The following NUP62 variants were observed in gnomAD, a reference collection of about 807,000 sequenced individuals.
The protein encoded by NUP62 is nucleoporin 62.
For missense variants in NUP62, 647 were observed against 689.4 expected (o/e 0.94, Z 0.69); for synonymous variants, 305 against 303.4 (o/e 1.01, Z -0.05).
chr19:49,925,123 T>C (rs2075855487), intron 2 of NUP62, among the ~76,000 whole-genome samples: 1 of 151,810 alleles, frequency 6.6e-6, no homozygotes, highest in African/African-American at 2.4e-5. Flanking sequence ...TAGCCATGTG[T>C]GGTGACACAT....
chr19:49,913,957 G>C (rs2075551820), intron 2 of NUP62, among the ~76,000 whole-genome samples: 1 of 152,182 alleles, frequency 6.6e-6, no homozygotes, highest in Non-Finnish European at 1.5e-5. Context: ...AGAAGGTCCA[G>C]GCCAAGAGCC....
At chr19:49,926,615 G>A (rs1202089964) in intron 2 of NUP62, among the ~76,000 whole-genome samples, 5 of 152,176 alleles carry the variant, frequency 3.3e-5, no homozygotes, top group Non-Finnish European at 7.4e-5. Flanking sequence ...CCGGCGGGGC[G>A]GGGGAGATAG....
intron 2 of NUP62, among the ~76,000 whole-genome samples, chr19:49,924,087 G>A (rs1049949811): frequency 6.6e-6 from 1 of 152,222 alleles, no homozygotes; most frequent in African/African-American, 2.4e-5. Context: ...TGGCAACTGT[G>A]AGCAGCAGCA....
chr19:49,907,956 T>G lies in NUP62; in HGVS notation c.*283A>C. 5.4e-6 allele frequency: 3 copies of G among 560,150 alleles called. No individual in the cohort carries two copies. The highest frequency in any genetic ancestry group is 3.4e-5 in the East Asian group (1 of 29,068). 34.7% of individuals were successfully genotyped at this position (560,150 alleles called of 1,614,324 possible). A position where few individuals can be genotyped will look rare whatever the true frequency, so the allele number is the denominator to read the frequency against. The stretch of plus-strand genomic sequence containing the variant: ...CATCAGCACTTCTCCATCACCAGGC[T>G]GAGCCAGGATGAGGTGGGTGGTCGC... On this transcript the variant is annotated 3_prime_UTR_variant, in exon 3 of 3. Transcript: ENST00000352066.
In NUP62 at chr19:49,920,619, C is replaced by A. The variant is rs937565821; in HGVS notation, c.-78+7075G>T. On this transcript the variant is annotated intron_variant, in intron 2 of 2. Coordinates refer to ENST00000352066, the MANE Select transcript of NUP62 (RefSeq NM_016553.5). ...AGGCGGATAGGCGTCAGGCTCAGAG[C>A]TGACTTTACCCCGAGGGCAACGGCT... Among the ~76,000 whole-genome samples the A allele has an allele frequency of 6.6e-5, 10 of 152,220 alleles. No individual in the cohort carries two copies. In the South Asian group the frequency reaches 2.1e-3, roughly 32 times the overall value.
At chr19:49,920,160 G>A (rs1000113894) in intron 2 of NUP62, among the ~76,000 whole-genome samples, 5 of 151,884 alleles carry the variant, frequency 3.3e-5, no homozygotes, top group African/African-American at 1.2e-4. Context: ...TCAGCTCATC[G>A]CAACCTCTGC....
At position 49,907,827 on chromosome 19, in the gene NUP62, C is replaced by T. The variant is rs911974511; in HGVS notation, c.*412G>A. On this transcript the variant is annotated 3_prime_UTR_variant, in exon 3 of 3. Transcript: ENST00000352066. ...CTGAGATTACAGGGGTGAGCCACTGCGCCCTGACTTGGAGGTTCTCTTACA... is the reference window on the plus strand; with the variant it reads ...CTGAGATTACAGGGGTGAGCCACTGTGCCCTGACTTGGAGGTTCTCTTACA... 9 of 331,390 alleles carry T rather than the reference C, an allele frequency of 2.7e-5. No individual in the cohort carries two copies. Among genetic ancestry groups the T allele is most frequent in the East Asian group, 8.7e-5 (1 of 11,438 alleles). The allele number at this position is 331,390 out of a possible 1,614,324, so 20.5% of individuals were successfully genotyped here.
intron 2 of NUP62, among the ~76,000 whole-genome samples, chr19:49,922,155 C>T (rs1353710351): frequency 6.6e-6 from 1 of 152,250 alleles, no homozygotes; most frequent in East Asian, 1.9e-4. Context: ...CTTTGCTTCT[C>T]AGGCTCTAGG....
chr19:49,908,664 C>T lies in NUP62; in HGVS notation c.1144G>A (p.Val382Met). 1 of 1,612,506 alleles carries T rather than the reference C, an allele frequency of 6.2e-7. No individual in the cohort carries two copies. The highest frequency in any genetic ancestry group is 8.5e-7 in the Non-Finnish European group (1 of 1,180,040). Reference sequence around the variant, plus strand: ...TCCAGCCTCTTCTGGTCCAGCTTCACCTTCTCCACCTCGCGGTGCAGGCTG... The same window carrying T: ...TCCAGCCTCTTCTGGTCCAGCTTCATCTTCTCCACCTCGCGGTGCAGGCTG... ...ITSLHREVEKVKLDQKRLDQE... is the reference protein window; with the variant it reads ...ITSLHREVEKMKLDQKRLDQE... Residue 382 changes from valine to methionine, a missense_variant, in exon 3 of 3, where the codon GTG becomes ATG. By Grantham distance (21) the Val-to-Met change is conservative (BLOSUM62 1). Coordinates refer to ENST00000352066, the MANE Select transcript of NUP62 (RefSeq NM_016553.5).
intron 2 of NUP62, among the ~76,000 whole-genome samples, chr19:49,914,592 C>T (rs1367269513): frequency 1.3e-5 from 2 of 152,130 alleles, no homozygotes; most frequent in African/African-American, 2.4e-5. Context: ...GATTCAGATG[C>T]GGAATCATCT....
intron 2 of NUP62, among the ~76,000 whole-genome samples, chr19:49,911,653 C>T (rs565499070): frequency 1.4e-4 from 22 of 152,318 alleles, no homozygotes; most frequent in African/African-American, 5.1e-4. Context: ...GAGATGACCC[C>T]AGGGCCAGCT....
chr19:49,910,444 G>C (rs1694267621), intron 2 of NUP62, among the ~76,000 whole-genome samples: 1 of 152,122 alleles, frequency 6.6e-6, no homozygotes, highest in Admixed American at 6.5e-5. Flanking sequence ...GAGGACACTG[G>C]AACTCCTCCT....
intron 2 of NUP62, among the ~76,000 whole-genome samples, chr19:49,916,428 A>G (rs1017945569): frequency 6.2e-5 from 9 of 145,102 alleles, no homozygotes; most frequent in Non-Finnish European, 1.2e-4. Flanking sequence ...ATCTTGGCTC[A>G]CTGCAAGCTC....
At position 49,909,857 on chromosome 19, in the gene NUP62, G is replaced by A. The variant is rs778093259; in HGVS notation, c.-50C>T. Reference sequence around the variant, plus strand: ...CTACTCTGGCTCCCAAAGCAAATCCGTCGGTGTCTGCAGCCTTGGGAAGAT... The same window carrying A: ...CTACTCTGGCTCCCAAAGCAAATCCATCGGTGTCTGCAGCCTTGGGAAGAT... On this transcript the variant is annotated 5_prime_UTR_variant, in exon 3 of 3. The change creates a new upstream start codon in the 5' untranslated region. Transcript: ENST00000352066. The A allele has an allele frequency of 9.5e-6, 15 of 1,579,434 alleles. No homozygotes were observed. Among genetic ancestry groups the A allele is most frequent in the Middle Eastern group, 3.8e-4 (2 of 5,286 alleles).
intron 2 of NUP62, among the ~76,000 whole-genome samples, chr19:49,918,207 A>G (rs2075674408): frequency 6.6e-6 from 1 of 152,026 alleles, no homozygotes; most frequent in Non-Finnish European, 1.5e-5. Context: ...CTGGGACTAC[A>G]GGCATACGCC....
intron 2 of NUP62, among the ~76,000 whole-genome samples, chr19:49,916,900 G>A (rs1053723195): frequency 8.5e-5 from 13 of 152,234 alleles, no homozygotes; most frequent in African/African-American, 1.4e-4. Context: ...CAGCCTGGGC[G>A]GCTGAGCGAG....
chr19:49,916,358 T>C (rs2075623468), intron 2 of NUP62, among the ~76,000 whole-genome samples: 1 of 150,758 alleles, frequency 6.6e-6, no homozygotes. Context: ...TTTTGTATTT[T>C]TTTTTTTTTT....
In NUP62 at chr19:49,909,710, G is replaced by T. The variant is rs1374227051; in HGVS notation, c.98C>A (p.Ser33Tyr). Residue 33 changes from serine (S) to tyrosine (Y), a missense_variant, in exon 3 of 3, where the codon TCT becomes TAT. Physicochemically the swap from Ser to Tyr is moderately radical, Grantham distance 144 (BLOSUM62 -2). Coordinates refer to ENST00000352066, the MANE Select transcript of NUP62 (RefSeq NM_016553.5). ...CCCTCCAGTGCCAGAGGTGGAGAAA[G>T]AAAACCCTGTAGCAGGTGTGGTTGT... ...TATTTPATGF[S>Y]FSTSGTGGFN... 1.9e-6 allele frequency: 3 copies of T among 1,614,176 alleles called. No individual in the cohort carries two copies. Among genetic ancestry groups the T allele is most frequent in the Non-Finnish European group, 2.5e-6 (3 of 1,180,044 alleles).
chr19:49,908,861 G>C lies in NUP62; in HGVS notation c.947C>G (p.Pro316Arg). ...GGCAGCCGCCCCTGCAGCTGCGCCAGGGCCAGGTGGAGCGGTCACGGCAGC... is the reference window on the plus strand; with the variant it reads ...GGCAGCCGCCCCTGCAGCTGCGCCACGGCCAGGTGGAGCGGTCACGGCAGC... ...TAAAVTAPPG[P>R]GAAAGAAASS... Residue 316 changes from proline (P) to arginine (R), a missense_variant, in exon 3 of 3, where the codon CCT becomes CGT. Transcript: ENST00000352066. 1 of 1,611,766 alleles carries C rather than the reference G, an allele frequency of 6.2e-7. No individual in the cohort carries two copies. The highest frequency in any genetic ancestry group is 8.5e-7 in the Non-Finnish European group (1 of 1,179,892).
Sources: allele counts gnomAD v4.1 joint callset (sites outside exome capture counted in the v4.1 genomes callset), GRCh38; gene constraint gnomAD v4.1.1; transcripts MANE v1.5; gene names NCBI Gene and HGNC (gene_info 2026-07-23, HGNC 2026-07-21).